The following RTN1 variants were observed in gnomAD, a reference collection of about 807,000 sequenced individuals.
The protein encoded by RTN1 is reticulon 1.
In RTN1, 25 loss-of-function variants were observed where a neutral mutation model predicts 65.5. The ratio of observed to expected loss-of-function variants is 0.38; its 90% CI spans 0.28 to 0.53. The LOEUF is 0.53. Among genes scored for constraint, RTN1 ranks in the 20% least tolerant of loss-of-function variants. The probability of loss-of-function intolerance (pLI) is 0.79; values close to 1 mark genes in which losing one functional copy is unlikely to be tolerated. For synonymous variants in RTN1, 471 were observed against 447.6 expected, an observed-to-expected ratio of 1.05 and a Z score of -0.66; for missense variants, 983 against 1,025.4, an observed-to-expected ratio of 0.96 and a Z score of 0.57.
At chr14:59,717,709 T>A (rs1884566125) in intron 3 of RTN1, among the ~76,000 whole-genome samples, 1 of 152,128 alleles carries the variant, frequency 6.6e-6, no homozygotes, top group African/African-American at 2.4e-5. Context: ...GAGGTGGAAG[T>A]CTCGAAGTAA....
intron 8 of RTN1, among the ~76,000 whole-genome samples, chr14:59,598,185 G>T (rs1218307849): frequency 6.6e-6 from 1 of 152,186 alleles, no homozygotes; most frequent in Non-Finnish European, 1.5e-5. Context: ...ACATGGAAAT[G>T]AAGAGAGGGG....
At chr14:59,621,320 G>C (rs558086691) in intron 3 of RTN1, among the ~76,000 whole-genome samples, 39 of 152,296 alleles carry the variant, frequency 2.6e-4, no homozygotes, top group African/African-American at 8.7e-4. Flanking sequence ...TTCAACATCT[G>C]AGTATACATT....
chr14:59,597,442 C>T (rs1035431731), intron 8 of RTN1, among the ~76,000 whole-genome samples: 1 of 152,190 alleles, frequency 6.6e-6, no homozygotes, highest in African/African-American at 2.4e-5. Flanking sequence ...GCATGATTTT[C>T]GGACAGGTTT....
chr14:59,677,091 C>T (rs1337173362), intron 3 of RTN1, among the ~76,000 whole-genome samples: 2 of 152,172 alleles, frequency 1.3e-5, no homozygotes, highest in African/African-American at 4.8e-5. Context: ...GAGCTGGCTC[C>T]CACCTCAGGG....
intron 3 of RTN1, 63 bp downstream of exon 3, chr14:59,726,856 C>A (rs950687577): frequency 1.4e-6 from 2 of 1,445,810 alleles, no homozygotes; most frequent in Non-Finnish European, 1.9e-6. Context: ...ACCGCCCCTG[C>A]TGAATGCTCA....
intron 1 of RTN1, among the ~76,000 whole-genome samples, chr14:59,791,182 CTT>C (rs1229590066): frequency 1.3e-5 from 2 of 152,276 alleles, no homozygotes; most frequent in South Asian, 2.1e-4. Flanking sequence ...GTTCTCCTCT[CTT>C]TTGTTTCCCT....
chr14:59,620,375 G>C (rs988945919), intron 3 of RTN1, among the ~76,000 whole-genome samples: 1 of 152,152 alleles, frequency 6.6e-6, no homozygotes, highest in Admixed American at 6.5e-5. Flanking sequence ...GTCCAATACA[G>C]TAGCAATGAG....
chr14:59,675,655 C>T (rs919095589), intron 3 of RTN1, among the ~76,000 whole-genome samples: 1 of 150,862 alleles, frequency 6.6e-6, no homozygotes, highest in Non-Finnish European at 1.5e-5. Context: ...AGATGAGGAG[C>T]CTAAGATTTG....
chr14:59,675,753 A>G (rs1883614065), intron 3 of RTN1, among the ~76,000 whole-genome samples: 1 of 152,090 alleles, frequency 6.6e-6, no homozygotes, highest in African/African-American at 2.4e-5. Flanking sequence ...TCCAACACCC[A>G]GGGATCCCAG....
chr14:59,738,230 G>A (rs1469618554), intron 2 of RTN1, among the ~76,000 whole-genome samples: 3 of 152,056 alleles, frequency 2.0e-5, no homozygotes, highest in African/African-American at 7.2e-5. Flanking sequence ...AACAGAATGG[G>A]AGAAAATATT....
At chr14:59,796,640 C>T (rs1261334670) in intron 1 of RTN1, among the ~76,000 whole-genome samples, 1 of 152,156 alleles carries the variant, frequency 6.6e-6, no homozygotes, top group African/African-American at 2.4e-5. Context: ...AAACTCCTAC[C>T]TCACTTTGGA....
In RTN1 at chr14:59,794,612, G is replaced by C. The variant is rs773359473; in HGVS notation, c.242-48131C>G. On this transcript the variant is annotated intron_variant, in intron 1 of 8. Transcript: ENST00000267484. The surrounding 1 kb of genome is among the most constrained non-coding windows in gnomAD (Gnocchi z 5.1). ...GTCTGCTCCATGGTGTTGGGAGCAA[G>C]GTTCTTTCCATCTTGTTGCCCTGTC... Among the ~76,000 whole-genome samples, 2 of 152,312 alleles carry C rather than the reference G, an allele frequency of 1.3e-5. No homozygotes were observed. The highest frequency in any genetic ancestry group is 3.9e-4 in the East Asian group (2 of 5,188).
At chr14:59,826,648 G>C (rs1181899134) in intron 1 of RTN1, among the ~76,000 whole-genome samples, 1 of 152,174 alleles carries the variant, frequency 6.6e-6, no homozygotes, top group Non-Finnish European at 1.5e-5. Context: ...CTAAACAAAT[G>C]TTTTTAGCCA....
Position 59,870,329 on chromosome 14 carries a change from G to A in RTN1, c.241+61C>T. On this transcript the variant is annotated intron_variant, in intron 1 of 8. Transcript: ENST00000267484. This position sits in a 1 kb window ranked among gnomAD's most constrained non-coding sequence, Gnocchi z 5.1. ...GGTGCCCAGGAGAGCCGCGCAGAAG[G>A]GGACTGACTGGGGGGCCCTGGTCCC... The A allele has an allele frequency of 2.9e-6, 4 of 1,394,014 alleles. No individual in the cohort carries two copies. The highest frequency in any genetic ancestry group is 3.7e-6 in the Non-Finnish European group (4 of 1,078,468). The allele number at this position is 1,394,014 out of a possible 1,614,324, so 86.4% of individuals were successfully genotyped here.
At chr14:59,669,646 C>G (rs564459850) in intron 3 of RTN1, among the ~76,000 whole-genome samples, 1 of 152,096 alleles carries the variant, frequency 6.6e-6, no homozygotes, top group African/African-American at 2.4e-5. Flanking sequence ...TTGCAGCCAT[C>G]TTATGATCAT....
At chr14:59,640,371 C>G (rs1026758062) in intron 3 of RTN1, among the ~76,000 whole-genome samples, 1 of 152,114 alleles carries the variant, frequency 6.6e-6, no homozygotes, top group East Asian at 1.9e-4. Context: ...GGCTGGAGTG[C>G]AGTGGCGTGA....
intron 3 of RTN1, among the ~76,000 whole-genome samples, chr14:59,723,306 T>C (rs1363146209): frequency 6.6e-6 from 1 of 151,904 alleles, no homozygotes; most frequent in Non-Finnish European, 1.5e-5. Flanking sequence ...ACTGCCATCG[T>C]CTAAAACCCT....
At chr14:59,640,537 G>A (rs1403239433) in intron 3 of RTN1, among the ~76,000 whole-genome samples, 1 of 152,054 alleles carries the variant, frequency 6.6e-6, no homozygotes, top group South Asian at 2.1e-4. Flanking sequence ...GGATGGTCTC[G>A]ATCTCTTGAC....
At chr14:59,756,477 C>A (rs991461970) in intron 1 of RTN1, among the ~76,000 whole-genome samples, 2 of 152,036 alleles carry the variant, frequency 1.3e-5, no homozygotes, top group African/African-American at 2.4e-5. Flanking sequence ...GTTATTCAAC[C>A]ACCACCACTA....
Sources: gnomAD v4.1 joint callset for allele counts (sites outside exome capture counted in the v4.1 genomes callset) on GRCh38, gnomAD v4.1.1 for gene constraint, Gnocchi (gnomAD v3.1) non-coding constraint, MANE v1.5 for transcripts, NCBI Gene and HGNC (gene_info 2026-07-23, HGNC 2026-07-21) for gene names.